The following FAF1 variants were observed in gnomAD, a reference collection of about 807,000 sequenced individuals.
FAF1 encodes Fas associated factor 1, also known as FAS-associated factor 1.
Under a neutral mutation model 92.5 loss-of-function variants are expected in FAF1, and 25 were observed. That is an observed-to-expected ratio of 0.27 (90% CI 0.20 to 0.38). FAF1 has a LOEUF of 0.38. Among genes scored for constraint, FAF1 ranks in the 10% least tolerant of loss-of-function variants. The pLI is 1.00. For synonymous variants in FAF1, 234 were observed against 273.2 expected (o/e 0.86, Z 1.42); for missense variants, 636 against 793.3 (o/e 0.80, Z 2.38).
At chr1:50,812,038 C>T (rs915549521) in intron 2 of FAF1, among the ~76,000 whole-genome samples, 1 of 152,150 alleles carries the variant, frequency 6.6e-6, no homozygotes, top group African/African-American at 2.4e-5. Context: ...TGGGCCCCTT[C>T]CATACAGCAT....
At chr1:50,605,882 AAT>A (rs1403701484) in intron 8 of FAF1, among the ~76,000 whole-genome samples, 1 of 152,238 alleles carries the variant, frequency 6.6e-6, no homozygotes, top group Non-Finnish European at 1.5e-5. Flanking sequence ...TTATTCAATA[AAT>A]ATTAAGTTAT....
intron 8 of FAF1, among the ~76,000 whole-genome samples, chr1:50,623,529 G>A (rs144759507): frequency 1.1e-3 from 159 of 151,122 alleles, no homozygotes; most frequent in South Asian, 4.4e-3. Context: ...AGCTGAGATC[G>A]TGCCACTTGC....
rs1659255465 is a variant in FAF1 at position 50,739,011 on chromosome 1, AT to A, written c.460-58del. On this transcript the variant is annotated intron_variant, in intron 5 of 18. Coordinates refer to ENST00000396153, the MANE Select transcript of FAF1 (RefSeq NM_007051.3). ...TGTTGATGTTGATTATTCATTATTG[AT>A]TTTTCCTGTAATTCTTGAAAAATTG... 4 of 1,072,020 alleles carry A rather than the reference AT, an allele frequency of 3.7e-6. No homozygotes were observed. In the African/African-American group the frequency reaches 6.5e-5, roughly 17 times the overall value. The allele number at this position is 1,072,020 out of a possible 1,614,324, so 66.4% of individuals were successfully genotyped here.
At chr1:50,859,633 G>C (rs538905668) in intron 1 of FAF1, among the ~76,000 whole-genome samples, 9 of 152,028 alleles carry the variant, frequency 5.9e-5, no homozygotes, top group African/African-American at 2.2e-4. Context: ...AACATTCCAT[G>C]CTCACAGGTT....
At chr1:50,578,130 T>A (rs1650837325) in intron 12 of FAF1, among the ~76,000 whole-genome samples, 1 of 152,186 alleles carries the variant, frequency 6.6e-6, no homozygotes, top group Non-Finnish European at 1.5e-5. Flanking sequence ...AGTATATAAG[T>A]TCAAAAAGCC....
At chr1:50,587,029 A>C (rs989440195) in intron 9 of FAF1, among the ~76,000 whole-genome samples, 1 of 151,884 alleles carries the variant, frequency 6.6e-6, no homozygotes, top group Non-Finnish European at 1.5e-5. Context: ...CCTAGTACTC[A>C]CCCCCTCCTT....
intron 1 of FAF1, among the ~76,000 whole-genome samples, chr1:50,863,858 C>T (rs1042169921): frequency 4.0e-5 from 6 of 151,896 alleles, no homozygotes; most frequent in African/African-American, 1.2e-4. Context: ...TGGTAAGCTA[C>T]TGATTATTGC....
intron 16 of FAF1, 91 bp downstream of exon 16, chr1:50,491,630 C>T (rs1428436972): frequency 1.2e-6 from 1 of 844,294 alleles, no homozygotes; most frequent in Non-Finnish European, 1.9e-6. Flanking sequence ...TATTGCAAAC[C>T]CAGTATTTTT....
chr1:50,871,708 A>G (rs553632509), intron 1 of FAF1, among the ~76,000 whole-genome samples: 1 of 152,308 alleles, frequency 6.6e-6, no homozygotes, highest in East Asian at 1.9e-4. Flanking sequence ...TGGTTACTCA[A>G]GAGCTCAGAT....
At chr1:50,536,315 C>T (rs1297109031) in intron 14 of FAF1, among the ~76,000 whole-genome samples, 1 of 152,108 alleles carries the variant, frequency 6.6e-6, no homozygotes, top group East Asian at 1.9e-4. Context: ...GATGTACCTA[C>T]AAAAGAAAAA....
chr1:50,600,404 G>C (rs1652041022), intron 8 of FAF1, among the ~76,000 whole-genome samples: 1 of 152,130 alleles, frequency 6.6e-6, no homozygotes. Flanking sequence ...CTGTGAGGCA[G>C]ACCAATGTAT....
chr1:50,522,559 T>C (rs1166193804), intron 15 of FAF1, among the ~76,000 whole-genome samples: 1 of 152,174 alleles, frequency 6.6e-6, no homozygotes, highest in Non-Finnish European at 1.5e-5. Flanking sequence ...TGGAATTTAA[T>C]ACAGAGTAAC....
chr1:50,822,746 T>TTTTG (rs1553143360), intron 2 of FAF1, among the ~76,000 whole-genome samples: 4 of 144,288 alleles, frequency 2.8e-5, no homozygotes, highest in Non-Finnish European at 6.0e-5. Context: ...TTTTGGTGTT[T>TTTTG]TTTCTTTCTT....
intron 7 of FAF1, among the ~76,000 whole-genome samples, chr1:50,681,799 A>C (rs2124368400): frequency 6.6e-6 from 1 of 151,012 alleles, no homozygotes; most frequent in East Asian, 2.0e-4. Context: ...CATTACAAGC[A>C]TGAGCCACTG....
At chr1:50,833,373 G>A (rs1021284162) in intron 2 of FAF1, among the ~76,000 whole-genome samples, 7 of 151,906 alleles carry the variant, frequency 4.6e-5, no homozygotes, top group African/African-American at 1.7e-4. Flanking sequence ...ACAGCCAAAT[G>A]GAAAAGATAC....
At chr1:50,640,283 T>C (rs1654262113) in intron 8 of FAF1, among the ~76,000 whole-genome samples, 1 of 151,868 alleles carries the variant, frequency 6.6e-6, no homozygotes, top group East Asian at 1.9e-4. Context: ...CCTGAAGTTT[T>C]TGTTGTGGCA....
In FAF1 at chr1:50,836,170, G is replaced by GTTTTTT. The variant is rs36053491; in HGVS notation, c.114+21753_114+21758dup. 2.2e-4 allele frequency among the ~76,000 whole-genome samples: 22 copies of GTTTTTT among 98,512 alleles called. 2 individuals are homozygous for GTTTTTT. Among genetic ancestry groups the GTTTTTT allele is most frequent in the South Asian group, 1.0e-3 (3 of 2,890 alleles). The allele number at this position is 98,512 out of a possible 152,430, so 64.6% of individuals were successfully genotyped here. Reference sequence around the variant, plus strand: ...GTGTGTGTTTTTGTTTTTTGTTTCTGTTTTTTTTTTTTTTTTTTTAGACAG... The same window carrying GTTTTTT: ...GTGTGTGTTTTTGTTTTTTGTTTCTGTTTTTTTTTTTTTTTTTTTTTTTTTAGACAG... On this transcript the variant is annotated intron_variant, in intron 2 of 18. Coordinates refer to ENST00000396153, the MANE Select transcript of FAF1 (RefSeq NM_007051.3).
At chr1:50,504,973 A>T (rs928676127) in intron 15 of FAF1, among the ~76,000 whole-genome samples, 2 of 152,230 alleles carry the variant, frequency 1.3e-5, no homozygotes, top group African/African-American at 2.4e-5. Context: ...GACTCCTATC[A>T]TATGCAGATT....
At chr1:50,613,451 A>C (rs1214229547) in intron 8 of FAF1, among the ~76,000 whole-genome samples, 2 of 152,218 alleles carry the variant, frequency 1.3e-5, no homozygotes, top group East Asian at 3.9e-4. Context: ...CTGTATAATT[A>C]GCTTTGCATT....
Sources: allele counts gnomAD v4.1 joint callset (sites outside exome capture counted in the v4.1 genomes callset), GRCh38; gene constraint gnomAD v4.1.1; transcripts MANE v1.5; gene names NCBI Gene and HGNC (gene_info 2026-07-23, HGNC 2026-07-21).